The following COA1 variants were observed in gnomAD, a reference collection of about 807,000 sequenced individuals.
The protein encoded by COA1 is cytochrome c oxidase assembly factor 1 homolog.
COA1 carries 13 observed loss-of-function variants against 16.0 expected under a neutral mutation model. The ratio of observed to expected loss-of-function variants is 0.81; its 90% CI spans 0.53 to 1.29. COA1 has a LOEUF of 1.29. COA1 is among the 50% of genes most tolerant of loss of function. The probability of loss-of-function intolerance (pLI) is 0.00; values close to 1 mark genes in which losing one functional copy is unlikely to be tolerated. For synonymous variants in COA1, 65 were observed against 65.7 expected, an observed-to-expected ratio of 0.99 and a Z score of 0.05; for missense variants, 179 against 177.0, an observed-to-expected ratio of 1.01 and a Z score of -0.06.
chr7:43,698,187 T>C (rs909571192), intron 1 of COA1, among the ~76,000 whole-genome samples: 1 of 152,164 alleles, frequency 6.6e-6, no homozygotes, highest in Non-Finnish European at 1.5e-5. Context: ...TATGGCATCA[T>C]AGACAATATG....
intron 6 of COA1, chr7:43,623,643 T>G (rs778365281): frequency 6.2e-7 from 1 of 1,607,846 alleles, no homozygotes; most frequent in Non-Finnish European, 8.5e-7. Flanking sequence ...AATGAAAAAT[T>G]GATCAAATTA....
intron 4 of COA1, chr7:43,641,511 C>CT (rs2087093743): frequency 6.6e-6 from 1 of 152,062 alleles, no homozygotes; most frequent in African/African-American, 2.4e-5. Context: ...ATTCTTTTGT[C>CT]TTTTTTGTAC....
At chr7:43,647,700 C>T in intron 2 of COA1, 66 bp from the exon 3 acceptor site, 1 of 1,198,834 alleles carries the variant, frequency 8.3e-7, no homozygotes, top group South Asian at 1.3e-5. Flanking sequence ...ATTTGCCCGG[C>T]TTGGACCCCT....
At chr7:43,686,515 C>G (rs1351708650) in intron 1 of COA1, among the ~76,000 whole-genome samples, 1 of 151,908 alleles carries the variant, frequency 6.6e-6, no homozygotes, top group Admixed American at 6.6e-5. Flanking sequence ...ACCGTGGTCT[C>G]GATCTCCTGA....
chr7:43,714,136 T>C (rs1421474066), intron 1 of COA1, among the ~76,000 whole-genome samples: 1 of 152,014 alleles, frequency 6.6e-6, no homozygotes, highest in East Asian at 1.9e-4. Flanking sequence ...TGCAATGAGG[T>C]AGGATCATGC....
At chr7:43,643,824 T>C (rs939027220) in intron 4 of COA1, among the ~76,000 whole-genome samples, 36 of 152,326 alleles carry the variant, frequency 2.4e-4, no homozygotes, top group African/African-American at 8.7e-4. Flanking sequence ...AAACCGAATA[T>C]TTTAATCAGA....
chr7:43,702,453 T>C (rs1295113324), intron 1 of COA1, among the ~76,000 whole-genome samples: 1 of 152,188 alleles, frequency 6.6e-6, no homozygotes, highest in Non-Finnish European at 1.5e-5. Context: ...CATTGGTCTA[T>C]GTGTCTGTCT....
intron 1 of COA1, among the ~76,000 whole-genome samples, chr7:43,727,355 T>C (rs2095637209): frequency 6.6e-6 from 1 of 152,158 alleles, no homozygotes; most frequent in African/African-American, 2.4e-5. Flanking sequence ...GACCCAGCCA[T>C]TTCACTCCTA....
intron 1 of COA1, among the ~76,000 whole-genome samples, chr7:43,715,191 C>T (rs1219776902): frequency 6.6e-6 from 1 of 152,040 alleles, no homozygotes; most frequent in African/African-American, 2.4e-5. Context: ...TCATAATATT[C>T]CTGATACAGG....
chr7:43,627,774 A>T (rs181695209), intron 6 of COA1, among the ~76,000 whole-genome samples: 359 of 152,282 alleles, frequency 2.4e-3, no homozygotes, highest in African/African-American at 8.3e-3. Context: ...AAATGTACAG[A>T]TCTAAATCCA....
At chr7:43,670,199 A>G (rs1021919358) in intron 1 of COA1, among the ~76,000 whole-genome samples, 1 of 152,202 alleles carries the variant, frequency 6.6e-6, no homozygotes, top group African/African-American at 2.4e-5. Flanking sequence ...CTGTAATCCC[A>G]GCACTTTGGG....
rs2084687376 is a variant in COA1 at position 43,627,442 on chromosome 7, G to A, written c.*133+12007C>T. Among the ~76,000 whole-genome samples, 3 of 152,094 alleles carry A rather than the reference G, an allele frequency of 2.0e-5. No homozygotes were observed. In the South Asian group the frequency reaches 6.2e-4, roughly 32 times the overall value. ...CAGTAATGTAATGGGGGTGGTGCGT[G>A]ACTCAGTCCATAGAGGCCTATACCT... On this transcript the variant is annotated intron_variant and NMD_transcript_variant, in intron 6 of 6. Coordinates refer to the COA1 transcript ENST00000415076.
At chr7:43,709,369 T>C (rs2095128112) in intron 1 of COA1, among the ~76,000 whole-genome samples, 1 of 152,000 alleles carries the variant, frequency 6.6e-6, no homozygotes, top group Non-Finnish European at 1.5e-5. Flanking sequence ...CAGGTAGATC[T>C]ACAATCCACT....
At chr7:43,617,342 A>G (rs2083447396) in intron 6 of COA1, among the ~76,000 whole-genome samples, 1 of 152,238 alleles carries the variant, frequency 6.6e-6, no homozygotes, top group African/African-American at 2.4e-5. Flanking sequence ...AACAGATCCT[A>G]GCAAACCTTT....
intron 1 of COA1, among the ~76,000 whole-genome samples, chr7:43,672,581 C>G (rs2093323870): frequency 6.6e-6 from 1 of 152,112 alleles, no homozygotes; most frequent in Non-Finnish European, 1.5e-5. Flanking sequence ...ACCATCCTGG[C>G]CAACATGGTG....
intron 2 of COA1, 199 bp downstream of exon 2, chr7:43,648,401 C>CAGCATGAG: frequency 1.4e-6 from 1 of 690,518 alleles, no homozygotes; most frequent in Non-Finnish European, 2.6e-6. Flanking sequence ...CTTCCAACGC[C>CAGCATGAG]AGCATGAGAC....
intron 6 of COA1, among the ~76,000 whole-genome samples, chr7:43,634,072 CTATT>C (rs1356306245): frequency 6.6e-6 from 1 of 152,110 alleles, no homozygotes; most frequent in Non-Finnish European, 1.5e-5. Flanking sequence ...CTAAGACTTC[CTATT>C]TTTTTCATTT....
intron 1 of COA1, among the ~76,000 whole-genome samples, chr7:43,689,360 G>A (rs2094174169): frequency 6.6e-6 from 1 of 152,218 alleles, no homozygotes; most frequent in Non-Finnish European, 1.5e-5. Flanking sequence ...AATCTGGTAT[G>A]TGTGTGTTTG....
At chr7:43,691,253 AAAG>A (rs1468515044) in intron 1 of COA1, among the ~76,000 whole-genome samples, 1 of 43,336 alleles carries the variant, frequency 2.3e-5, no homozygotes, top group East Asian at 4.3e-4. Context: ...TGACTCAAAA[AAAG>A]AAAGAAAGAA....
Sources: gnomAD v4.1 joint callset for allele counts (sites outside exome capture counted in the v4.1 genomes callset) on GRCh38, gnomAD v4.1.1 for gene constraint, MANE v1.5 for transcripts, NCBI Gene and HGNC (gene_info 2026-07-23, HGNC 2026-07-21) for gene names.